Variants in KCNAB1 observed in about 807,000 individuals in gnomAD.
KCNAB1 encodes voltage-gated potassium channel subunit beta-1.
Under a neutral mutation model 64.6 loss-of-function variants are expected in KCNAB1, and 35 were observed. The ratio of observed to expected loss-of-function variants is 0.54; its 90% confidence interval spans 0.41 to 0.72. The LOEUF is 0.72. Among genes scored for constraint, KCNAB1 ranks in the 30% least tolerant of loss-of-function variants. KCNAB1 has a pLI of 0.00. For synonymous variants in KCNAB1, 177 were observed against 183.8 expected (o/e 0.96, Z 0.30); for missense variants, 401 against 512.9 (o/e 0.78, Z 2.11).
chr3:156,212,759 C>G (rs1396977762), intron 1 of KCNAB1, among the ~76,000 whole-genome samples: 1 of 152,104 alleles, frequency 6.6e-6, no homozygotes, highest in Non-Finnish European at 1.5e-5. Context: ...GGAAGCACTT[C>G]TGGGATGGGA....
intron 1 of KCNAB1, among the ~76,000 whole-genome samples, chr3:156,219,202 C>A (rs1364771341): frequency 2.0e-5 from 3 of 151,666 alleles, no homozygotes; most frequent in East Asian, 1.9e-4. Context: ...TAAAAAAAAT[C>A]AAAAACATGA....
At chr3:156,143,566 CTTGTTTTT>C in intron 1 of KCNAB1, 38 of 159,562 alleles carry the variant, frequency 2.4e-4, no homozygotes, top group South Asian at 8.7e-4. Flanking sequence ...GGGTTGCATT[CTTGTTTTT>C]TTTTTTTTTT....
In KCNAB1 at chr3:156,535,738, T is replaced by C. The variant is rs574153917; in HGVS notation, c.1171-920T>C. On this transcript the variant is annotated intron_variant, in intron 13 of 13. Transcript: ENST00000490337. Reference sequence around the variant, plus strand: ...CCCAAAATGTCTCTCAGGTCCACTTTTCTGCTCCACTGCCCTAGTTAAGGC... The same window carrying C: ...CCCAAAATGTCTCTCAGGTCCACTTCTCTGCTCCACTGCCCTAGTTAAGGC... 1.1e-4 allele frequency among the ~76,000 whole-genome samples: 16 copies of C among 152,326 alleles called. 1 individual carries two copies. In the South Asian group the frequency reaches 3.3e-3, roughly 32 times the overall value.
intron 1 of KCNAB1, among the ~76,000 whole-genome samples, chr3:156,373,038 T>A (rs992382270): frequency 1.3e-5 from 2 of 152,234 alleles, no homozygotes; most frequent in African/African-American, 4.8e-5. Context: ...GGTAAAATTA[T>A]GTGTAAATTA....
At chr3:156,495,602 A>T (rs559963874) in intron 8 of KCNAB1, among the ~76,000 whole-genome samples, 1 of 152,162 alleles carries the variant, frequency 6.6e-6, no homozygotes, top group Admixed American at 6.6e-5. Flanking sequence ...CTAGAGCCAG[A>T]CTGCCTGCTA....
chr3:156,252,527 A>G (rs1717889748), intron 1 of KCNAB1, among the ~76,000 whole-genome samples: 1 of 152,238 alleles, frequency 6.6e-6, no homozygotes, highest in Admixed American at 6.5e-5. Context: ...GAAATAAAGT[A>G]TTAATATGGT....
chr3:156,445,565 A>G (rs1308270357), intron 2 of KCNAB1, among the ~76,000 whole-genome samples: 1 of 152,206 alleles, frequency 6.6e-6, no homozygotes, highest in Admixed American at 6.5e-5. Flanking sequence ...GAGGAAAACA[A>G]CCAACGTTCC....
chr3:156,206,439 A>G (rs1714667690), intron 1 of KCNAB1, among the ~76,000 whole-genome samples: 1 of 152,158 alleles, frequency 6.6e-6, no homozygotes, highest in Non-Finnish European at 1.5e-5. Flanking sequence ...TCCCCCTGCA[A>G]CAAGGAGAAC....
At chr3:156,441,012 T>G (rs1716954452) in intron 2 of KCNAB1, 1 of 152,146 alleles carries the variant, frequency 6.6e-6, no homozygotes, top group Non-Finnish European at 1.5e-5. Flanking sequence ...CCTCTTTGAG[T>G]TTTTATTAAT....
intron 3 of KCNAB1, chr3:156,457,176 C>T (rs1165216731): frequency 9.1e-6 from 11 of 1,204,938 alleles, no homozygotes; most frequent in Non-Finnish European, 1.1e-5. Flanking sequence ...CAAACCAGCT[C>T]TTCCCAGCCC....
At chr3:156,127,985 C>T (rs1167853246) in intron 1 of KCNAB1, among the ~76,000 whole-genome samples, 1 of 151,988 alleles carries the variant, frequency 6.6e-6, no homozygotes, top group African/African-American at 2.4e-5. Context: ...GCCTCTATCT[C>T]AGTCTTCTGA....
chr3:156,430,446 C>T (rs1716126891), intron 2 of KCNAB1, among the ~76,000 whole-genome samples: 1 of 152,200 alleles, frequency 6.6e-6, no homozygotes, highest in East Asian at 1.9e-4. Flanking sequence ...GGCTTCAAAA[C>T]CATTAGTAAT....
intron 8 of KCNAB1, among the ~76,000 whole-genome samples, chr3:156,485,619 G>C (rs1326752839): frequency 6.6e-6 from 1 of 151,340 alleles, no homozygotes; most frequent in African/African-American, 2.4e-5. Context: ...TAGATTCGGG[G>C]GTACATGTGC....
chr3:156,157,103 G>A (rs985307654), intron 1 of KCNAB1, among the ~76,000 whole-genome samples: 9 of 152,278 alleles, frequency 5.9e-5, no homozygotes, highest in Non-Finnish European at 5.9e-5. Flanking sequence ...GGTCAAGTAA[G>A]GTGAGGACTG....
At chr3:156,465,993 A>G (rs1306980713) in intron 7 of KCNAB1, among the ~76,000 whole-genome samples, 3 of 152,214 alleles carry the variant, frequency 2.0e-5, no homozygotes, top group Non-Finnish European at 4.4e-5. Flanking sequence ...ACGTATCATG[A>G]AAGTTTACCC....
At chr3:156,348,582 G>T (rs1231628446) in intron 1 of KCNAB1, among the ~76,000 whole-genome samples, 1 of 152,182 alleles carries the variant, frequency 6.6e-6, no homozygotes, top group Non-Finnish European at 1.5e-5. Context: ...TTTTAGACAT[G>T]TAAGGTTTGA....
chr3:156,225,952 C>T (rs1243731185), intron 1 of KCNAB1, among the ~76,000 whole-genome samples: 1 of 152,086 alleles, frequency 6.6e-6, no homozygotes, highest in African/African-American at 2.4e-5. Flanking sequence ...GAAACACATC[C>T]CATGCTCATG....
intron 13 of KCNAB1, among the ~76,000 whole-genome samples, chr3:156,533,539 A>G (rs1718847252): frequency 6.6e-6 from 1 of 152,190 alleles, no homozygotes; most frequent in African/African-American, 2.4e-5. Flanking sequence ...GTTAGAGTTC[A>G]TGCTACATGT....
intron 8 of KCNAB1, among the ~76,000 whole-genome samples, chr3:156,503,727 A>G (rs193047053): frequency 6.6e-6 from 1 of 152,330 alleles, no homozygotes; most frequent in Admixed American, 6.5e-5. Context: ...AAACAAGACC[A>G]AATAATCTCT....
Sources: allele counts gnomAD v4.1 joint callset (sites outside exome capture counted in the v4.1 genomes callset), GRCh38; gene constraint gnomAD v4.1.1; transcripts MANE v1.5; gene names NCBI Gene and HGNC (gene_info 2026-07-23, HGNC 2026-07-21).